The following SLC22A23 variants were observed in gnomAD, a reference collection of about 807,000 sequenced individuals.
The protein encoded by SLC22A23 is ion transporter protein.
SLC22A23 carries 26 observed loss-of-function variants against 61.0 expected under a neutral mutation model. The observed-to-expected ratio is 0.43, with a 90% CI of 0.31 to 0.59. The LOEUF is 0.59. Among genes scored for constraint, SLC22A23 ranks in the 20% least tolerant of loss-of-function variants. The probability of loss-of-function intolerance (pLI) is 0.11; values close to 1 mark genes in which losing one functional copy is unlikely to be tolerated. For missense variants in SLC22A23, 796 were observed against 934.7 expected (o/e 0.85, Z 1.94); for synonymous variants, 430 against 413.9 (o/e 1.04, Z -0.47).
chr6:3,435,400 T>C (rs1206245155), intron 1 of SLC22A23, among the ~76,000 whole-genome samples: 2 of 148,224 alleles, frequency 1.3e-5, no homozygotes, highest in Non-Finnish European at 3.0e-5. Context: ...TTCCTTTCCC[T>C]CCTCCTCCCC....
chr6:3,367,303 T>C lies in SLC22A23; in HGVS notation c.913+42885A>G, dbSNP rs529762452. The stretch of plus-strand genomic sequence containing the variant: ...TAAAGGGTCAGTCTGGTTCAGTTAG[T>C]TGGGTATTCAAAGCCTATTCTTTGG... On this transcript the variant is annotated intron_variant, in intron 3 of 9. Coordinates refer to ENST00000406686, the MANE Select transcript of SLC22A23 (RefSeq NM_015482.2). 2.4e-4 allele frequency among the ~76,000 whole-genome samples: 37 copies of C among 152,324 alleles called. 1 individual carries two copies. Among genetic ancestry groups the C allele is most frequent in the African/African-American group, 8.9e-4 (37 of 41,576 alleles).
intron 3 of SLC22A23, among the ~76,000 whole-genome samples, chr6:3,355,998 G>T (rs1765052354): frequency 1.5e-5 from 1 of 65,338 alleles, no homozygotes; most frequent in Non-Finnish European, 2.8e-5. Flanking sequence ...AAAACCTAAC[G>T]AAACTCATGA....
intron 4 of SLC22A23, among the ~76,000 whole-genome samples, chr6:3,302,064 C>A (rs9503529): frequency 0.025 from 3,864 of 152,250 alleles, 172 homozygotes; most frequent in African/African-American, 0.088. Flanking sequence ...GCCCTCTGGT[C>A]CTGGACTTTT....
At position 3,440,487 on chromosome 6, in the gene SLC22A23, C is replaced by T. The variant is rs567934466; in HGVS notation, c.654+15419G>A. The stretch of plus-strand genomic sequence containing the variant: ...CTTTGGGAGGCCGAGGCAGGTGGAT[C>T]ATGAGGTCAGGAGTTCGAGACCAGC... On this transcript the variant is annotated intron_variant, in intron 1 of 9. Coordinates refer to ENST00000406686, the MANE Select transcript of SLC22A23 (RefSeq NM_015482.2). 6.6e-5 allele frequency among the ~76,000 whole-genome samples: 10 copies of T among 152,022 alleles called. No individual in the cohort carries two copies. The South Asian group carries it at 1.9e-3, about 28-fold the overall frequency.
chr6:3,417,988 T>C lies in SLC22A23; in HGVS notation c.655-2133A>G, dbSNP rs59336239. On this transcript the variant is annotated intron_variant, in intron 1 of 9. Coordinates refer to ENST00000406686, the MANE Select transcript of SLC22A23 (RefSeq NM_015482.2). Reference sequence around the variant, plus strand: ...AAAAACCTTTCACCACACAACCTATTTCTAACTTCAGGAATACAGGTTTTG... The same window carrying C: ...AAAAACCTTTCACCACACAACCTATCTCTAACTTCAGGAATACAGGTTTTG... Among the ~76,000 whole-genome samples the C allele has an allele frequency of 2.1e-3, 313 of 152,338 alleles. 1 individual carries two copies. Among genetic ancestry groups the C allele is most frequent in the African/African-American group, 7.2e-3 (301 of 41,572 alleles).
intron 3 of SLC22A23, among the ~76,000 whole-genome samples, chr6:3,356,952 A>C (rs929290711): frequency 6.6e-6 from 1 of 150,944 alleles, no homozygotes; most frequent in Non-Finnish European, 1.5e-5. Flanking sequence ...CTAGATCCCA[A>C]CTGTCGTGGT....
chr6:3,316,205 G>A lies in SLC22A23; in HGVS notation c.1082+7629C>T, dbSNP rs867658179. On this transcript the variant is annotated intron_variant, in intron 4 of 9. Coordinates refer to ENST00000406686, the MANE Select transcript of SLC22A23 (RefSeq NM_015482.2). ...TGTTTTGAATGCTTTTCCCACATTT[G>A]TGAGTGATTTGGTGAAGGTTTTTTC... Among the ~76,000 whole-genome samples, 10 of 152,210 alleles carry A rather than the reference G, an allele frequency of 6.6e-5. 1 individual carries two copies. The South Asian group carries it at 1.4e-3, about 22-fold the overall frequency.
chr6:3,331,567 C>A (rs1259805944), intron 3 of SLC22A23, among the ~76,000 whole-genome samples: 5 of 152,128 alleles, frequency 3.3e-5, no homozygotes, highest in Admixed American at 1.3e-4. Flanking sequence ...GAAAATCAAC[C>A]ATAAAACCAA....
At chr6:3,276,733 C>T (rs902519313) in intron 9 of SLC22A23, 1 of 152,268 alleles carries the variant, frequency 6.6e-6, no homozygotes, top group African/African-American at 2.4e-5. Context: ...CCTTCTGGTA[C>T]AGGGTCTTCG....
At chr6:3,384,648 A>G (rs539429169) in intron 3 of SLC22A23, among the ~76,000 whole-genome samples, 5 of 152,354 alleles carry the variant, frequency 3.3e-5, no homozygotes, top group African/African-American at 1.2e-4. Flanking sequence ...TTATTCATTA[A>G]TGCTTATGGT....
In SLC22A23 at chr6:3,323,738, T is replaced by C. The variant is rs1763103283; in HGVS notation, c.1082+96A>G. ...AGACAGAACCACAAGCTGCAACTAG[T>C]GGGAAGTGTGGGGATTGTGTGTCCT... On this transcript the variant is annotated intron_variant, in intron 4 of 9. Coordinates refer to ENST00000406686, the MANE Select transcript of SLC22A23 (RefSeq NM_015482.2). 3.0e-6 allele frequency: 4 copies of C among 1,355,262 alleles called. No homozygotes were observed. The South Asian group carries it at 4.5e-5, about 15-fold the overall frequency. 84.0% of individuals were successfully genotyped at this position (1,355,262 alleles called of 1,614,324 possible). A position where few individuals can be genotyped will look rare whatever the true frequency, so the allele number is the denominator to read the frequency against.
At chr6:3,383,250 A>C (rs139189980) in intron 3 of SLC22A23, among the ~76,000 whole-genome samples, 4 of 152,360 alleles carry the variant, frequency 2.6e-5, no homozygotes, top group African/African-American at 9.6e-5. Context: ...TAAAAATGCA[A>C]AACTAAATGA....
rs560407964 is a variant in SLC22A23, at chr6:3,304,758, G to A, written c.1083-6540C>T. ...TGCAGGGCAGGCCCTGTATCCCCTC[G>A]TACTGCTGGAGGTGTGTGGGGCAGG... On this transcript the variant is annotated intron_variant, in intron 4 of 9. Coordinates refer to ENST00000406686, the MANE Select transcript of SLC22A23 (RefSeq NM_015482.2). The surrounding 1 kb of genome is among the most constrained non-coding windows in gnomAD (Gnocchi z 4.3). Among the ~76,000 whole-genome samples, 3 of 152,206 alleles carry A rather than the reference G, an allele frequency of 2.0e-5. No individual in the cohort carries two copies. The highest frequency in any genetic ancestry group is 6.5e-5 in the Admixed American group (1 of 15,296).
At chr6:3,288,356 A>G (rs1360591930) in intron 6 of SLC22A23, among the ~76,000 whole-genome samples, 1 of 152,346 alleles carries the variant, frequency 6.6e-6, no homozygotes, top group East Asian at 1.9e-4. Flanking sequence ...CAACTGTAAC[A>G]GACCCCGTCC....
intron 1 of SLC22A23, among the ~76,000 whole-genome samples, chr6:3,416,878 T>C (rs560178329): frequency 1.3e-5 from 2 of 152,062 alleles, no homozygotes; most frequent in African/African-American, 4.8e-5. Flanking sequence ...GAGCGGGAGG[T>C]GTTCTGGGAG....
chr6:3,350,559 G>A (rs1228859722), intron 3 of SLC22A23, among the ~76,000 whole-genome samples: 6 of 152,190 alleles, frequency 3.9e-5, no homozygotes, highest in Non-Finnish European at 7.3e-5. Context: ...GGCAGAGACC[G>A]TATGGCCTGC....
intron 3 of SLC22A23, among the ~76,000 whole-genome samples, chr6:3,376,744 G>A (rs1214325577): frequency 2.0e-5 from 3 of 152,176 alleles, no homozygotes; most frequent in African/African-American, 4.8e-5. Flanking sequence ...TAGACTAGCT[G>A]GAGTGAGAAG....
intron 3 of SLC22A23, among the ~76,000 whole-genome samples, chr6:3,337,526 T>G (rs925931122): frequency 4.6e-5 from 7 of 151,902 alleles, no homozygotes; most frequent in African/African-American, 1.7e-4. Flanking sequence ...AAAAACTAAT[T>G]CATTGACTCC....
chr6:3,440,259 G>A (rs1771504044), intron 1 of SLC22A23, among the ~76,000 whole-genome samples: 1 of 152,190 alleles, frequency 6.6e-6, no homozygotes, highest in Non-Finnish European at 1.5e-5. Context: ...GTCATGAGCT[G>A]TACTGTCCCC....
Sources: allele counts gnomAD v4.1 joint callset (sites outside exome capture counted in the v4.1 genomes callset), GRCh38; gene constraint gnomAD v4.1.1; non-coding constraint Gnocchi (gnomAD v3.1); transcripts MANE v1.5; gene names NCBI Gene and HGNC (gene_info 2026-07-23, HGNC 2026-07-21).